ALCAM: variants seen among roughly 807,000 people sequenced by gnomAD.
The protein encoded by ALCAM is CD166 antigen.
A neutral mutation model predicts 70.9 loss-of-function variants in ALCAM; 30 were observed. The ratio of observed to expected loss-of-function variants is 0.42; its 90% confidence interval spans 0.32 to 0.57. The LOEUF is 0.57. Ranked by LOEUF, ALCAM falls within the 20% of genes least tolerant of loss-of-function variation. The probability of loss-of-function intolerance (pLI) is 0.11; values close to 1 mark genes in which losing one functional copy is unlikely to be tolerated. For synonymous variants in ALCAM, 249 were observed against 242.5 expected, an observed-to-expected ratio of 1.03 and a Z score of -0.25; for missense variants, 591 against 695.1, an observed-to-expected ratio of 0.85 and a Z score of 1.68.
At chr3:105,409,704 A>C (rs1467672445) in intron 1 of ALCAM, among the ~76,000 whole-genome samples, 1 of 152,018 alleles carries the variant, frequency 6.6e-6, no homozygotes, top group Non-Finnish European at 1.5e-5. Flanking sequence ...AACCTATAGA[A>C]ATTAAAAAAA....
chr3:105,544,345 A>G (rs542564844), intron 8 of ALCAM, among the ~76,000 whole-genome samples: 1 of 151,602 alleles, frequency 6.6e-6, no homozygotes, highest in Non-Finnish European at 1.5e-5. Flanking sequence ...ACGAACATAT[A>G]GTGTTCCCTT....
At chr3:105,384,196 G>A (rs541191813) in intron 1 of ALCAM, among the ~76,000 whole-genome samples, 1 of 151,504 alleles carries the variant, frequency 6.6e-6, no homozygotes, top group Non-Finnish European at 1.5e-5. Flanking sequence ...TTTGAATGAT[G>A]TTTCATTTTT....
At chr3:105,434,301 A>G (rs1937003581) in intron 1 of ALCAM, among the ~76,000 whole-genome samples, 1 of 152,176 alleles carries the variant, frequency 6.6e-6, no homozygotes, top group African/African-American at 2.4e-5. Flanking sequence ...TTGGAGCGAG[A>G]AAACATGCAG....
intron 1 of ALCAM, among the ~76,000 whole-genome samples, chr3:105,402,938 C>CTTTTTTTTTTTTTTTTTTTTT (rs58126212): frequency 4.3e-5 from 5 of 117,254 alleles, no homozygotes; most frequent in Non-Finnish European, 1.8e-5. Flanking sequence ...AGCTGATGCG[C>CTTTTTTTTTTTTTTTTTTTTT]TTTTTTTTTT....
At chr3:105,468,689 A>G (rs1007132652) in intron 1 of ALCAM, among the ~76,000 whole-genome samples, 5 of 151,252 alleles carry the variant, frequency 3.3e-5, no homozygotes, top group African/African-American at 1.2e-4. Context: ...GTCCATATGC[A>G]ATGACCAAGA....
chr3:105,541,856 C>A (rs1940125492), intron 8 of ALCAM, 91 bp downstream of exon 8: 1 of 1,456,090 alleles, frequency 6.9e-7, no homozygotes, highest in Non-Finnish European at 9.4e-7. Context: ...GCACGTATAT[C>A]TTTCTTAAAT....
At chr3:105,455,891 A>G (rs1239834172) in intron 1 of ALCAM, among the ~76,000 whole-genome samples, 1 of 152,200 alleles carries the variant, frequency 6.6e-6, no homozygotes, top group Non-Finnish European at 1.5e-5. Context: ...GGAGTTGGAG[A>G]ACAGGCTGGC....
chr3:105,536,093 C>CTTTTTTTT (rs71299365), intron 6 of ALCAM, among the ~76,000 whole-genome samples: 2 of 141,886 alleles, frequency 1.4e-5, no homozygotes, highest in Non-Finnish European at 1.5e-5. Flanking sequence ...TTCTTTCTTT[C>CTTTTTTTT]TTTTTTTTTT....
intron 1 of ALCAM, among the ~76,000 whole-genome samples, chr3:105,433,012 C>T (rs1021397861): frequency 1.3e-5 from 2 of 152,074 alleles, no homozygotes; most frequent in African/African-American, 4.8e-5. Context: ...GTTCAGAAGA[C>T]TTTAAGAAGT....
intron 1 of ALCAM, among the ~76,000 whole-genome samples, chr3:105,385,461 A>G (rs565584175): frequency 3.6e-4 from 54 of 151,706 alleles, no homozygotes; most frequent in African/African-American, 1.3e-3. Context: ...TTAAAATTAC[A>G]ACAAACTGTT....
intron 14 of ALCAM, among the ~76,000 whole-genome samples, chr3:105,553,695 A>C (rs1940461245): frequency 6.6e-6 from 1 of 151,932 alleles, no homozygotes; most frequent in South Asian, 2.1e-4. Context: ...CAGCATGAGC[A>C]TGTATTGAGC....
chr3:105,451,830 A>G (rs2152591425), intron 1 of ALCAM, among the ~76,000 whole-genome samples: 1 of 152,316 alleles, frequency 6.6e-6, no homozygotes, highest in Admixed American at 6.5e-5. Flanking sequence ...TGAGATTTGA[A>G]CAGCATAATT....
chr3:105,418,054 C>T (rs1210031730), intron 1 of ALCAM, among the ~76,000 whole-genome samples: 1 of 151,690 alleles, frequency 6.6e-6, no homozygotes, highest in Non-Finnish European at 1.5e-5. Flanking sequence ...TTATGTAGTA[C>T]ATTGATGCTG....
At chr3:105,533,507 C>CGGGTGTGTTATTATT in intron 4 of ALCAM, 96 bp from the exon 5 acceptor site, 1 of 978,402 alleles carries the variant, frequency 1.0e-6, no homozygotes, top group Non-Finnish European at 1.6e-6. Context: ...GTCAAGAAAC[C>CGGGTGTGTTATTATT]CTTGGAATAA....
intron 1 of ALCAM, among the ~76,000 whole-genome samples, chr3:105,396,960 T>G (rs1424377194): frequency 1.3e-5 from 2 of 152,114 alleles, no homozygotes; most frequent in Admixed American, 6.6e-5. Context: ...GTGACAGGTT[T>G]CCTATTGTAG....
At chr3:105,435,957 GCAA>G (rs1937039889) in intron 1 of ALCAM, among the ~76,000 whole-genome samples, 1 of 152,116 alleles carries the variant, frequency 6.6e-6, no homozygotes, top group African/African-American at 2.4e-5. Context: ...ACATAGCTGG[GCAA>G]GTCTCACAAT....
intron 1 of ALCAM, among the ~76,000 whole-genome samples, chr3:105,387,350 C>T (rs114752759): frequency 7.3e-5 from 11 of 151,352 alleles, no homozygotes; most frequent in Non-Finnish European, 1.6e-4. Flanking sequence ...GTTTACTTTG[C>T]CTTCTGGAAA....
intron 1 of ALCAM, among the ~76,000 whole-genome samples, chr3:105,514,712 AAGATTATTCC>A (rs1939332960): frequency 6.6e-6 from 1 of 151,938 alleles, no homozygotes; most frequent in Non-Finnish European, 1.5e-5. Context: ...TTTCCCTCTG[AAGATTATTCC>A]ACAGTGGCAA....
chr3:105,526,648 G>A (rs1401873229), intron 3 of ALCAM, among the ~76,000 whole-genome samples: 1 of 152,110 alleles, frequency 6.6e-6, no homozygotes, highest in African/African-American at 2.4e-5. Context: ...CCAGTAAAAT[G>A]AACAGCAAAG....
Sources: allele counts gnomAD v4.1 joint callset (sites outside exome capture counted in the v4.1 genomes callset), GRCh38; gene constraint gnomAD v4.1.1; transcripts MANE v1.5; gene names NCBI Gene and HGNC (gene_info 2026-07-23, HGNC 2026-07-21).